The following CDH13 variants were observed in gnomAD, a reference collection of about 807,000 sequenced individuals.
The protein encoded by CDH13 is cadherin 13.
A neutral mutation model predicts 63.8 loss-of-function variants in CDH13; 24 were observed. The ratio of observed to expected loss-of-function variants is 0.38; its 90% CI spans 0.27 to 0.53. The LOEUF (loss-of-function observed/expected upper bound fraction) is 0.53. CDH13 is among the 20% of genes least tolerant of loss of function. The probability of loss-of-function intolerance (pLI) is 0.85; values close to 1 mark genes in which losing one functional copy is unlikely to be tolerated. For synonymous variants in CDH13, 503 were observed against 355.3 expected (o/e 1.42, Z -4.67); for missense variants, 1,049 against 903.1 (o/e 1.16, Z -2.07).
intron 2 of CDH13, among the ~76,000 whole-genome samples, chr16:82,922,692 T>G (rs771013351): frequency 6.6e-6 from 1 of 152,202 alleles, no homozygotes; most frequent in Non-Finnish European, 1.5e-5. Context: ...AGAATTCTAC[T>G]TATGTGCACA....
intron 7 of CDH13, among the ~76,000 whole-genome samples, chr16:83,561,984 C>G (rs950088859): frequency 1.3e-5 from 2 of 152,126 alleles, no homozygotes. Context: ...AGCGATAGTG[C>G]CGCAGAGTCA....
intron 6 of CDH13, among the ~76,000 whole-genome samples, chr16:83,359,411 C>T (rs773573981): frequency 5.3e-5 from 8 of 152,140 alleles, no homozygotes; most frequent in Non-Finnish European, 1.0e-4. Context: ...CAAATACTGG[C>T]AGCCAGCAAT....
At chr16:83,095,081 G>A (rs372512658) in intron 3 of CDH13, among the ~76,000 whole-genome samples, 1 of 152,110 alleles carries the variant, frequency 6.6e-6, no homozygotes, top group African/African-American at 2.4e-5. Flanking sequence ...TAACTTTATT[G>A]TCAACTTGAT....
At chr16:83,445,007 G>A (rs1045741909) in intron 6 of CDH13, among the ~76,000 whole-genome samples, 4 of 152,138 alleles carry the variant, frequency 2.6e-5, no homozygotes, top group African/African-American at 4.8e-5. Context: ...CCACAGGGCT[G>A]GGATTTTTTT....
intron 3 of CDH13, among the ~76,000 whole-genome samples, chr16:83,114,253 C>T (rs1157983715): frequency 6.6e-6 from 1 of 152,166 alleles, no homozygotes; most frequent in Non-Finnish European, 1.5e-5. Context: ...GTCCCCAACG[C>T]CTCTGATGTG....
At chr16:83,398,554 A>G (rs1255848632) in intron 6 of CDH13, among the ~76,000 whole-genome samples, 1 of 152,228 alleles carries the variant, frequency 6.6e-6, no homozygotes, top group Non-Finnish European at 1.5e-5. Flanking sequence ...TTTTCCAAAT[A>G]AGATTCATGC....
At chr16:83,232,698 C>G (rs1209641931) in intron 5 of CDH13, among the ~76,000 whole-genome samples, 1 of 152,136 alleles carries the variant, frequency 6.6e-6, no homozygotes, top group Non-Finnish European at 1.5e-5. Flanking sequence ...ATGCCAGCAT[C>G]ATGCTTCCTA....
intron 2 of CDH13, among the ~76,000 whole-genome samples, chr16:83,000,614 G>A (rs1385740429): frequency 1.8e-4 from 27 of 147,132 alleles, no homozygotes; most frequent in Non-Finnish European, 1.5e-5. Context: ...TTTTGAGAGG[G>A]AGTCTCGTTC....
At chr16:82,650,516 C>G (rs981410089) in intron 1 of CDH13, among the ~76,000 whole-genome samples, 1 of 152,202 alleles carries the variant, frequency 6.6e-6, no homozygotes, top group Non-Finnish European at 1.5e-5. Flanking sequence ...TTAACCCAAC[C>G]ACTTAGGCTT....
intron 1 of CDH13, among the ~76,000 whole-genome samples, chr16:82,722,700 C>A (rs1409542410): frequency 6.6e-6 from 1 of 152,176 alleles, no homozygotes; most frequent in Non-Finnish European, 1.5e-5. Context: ...ACTACGAGCA[C>A]CTGCCATTGT....
At chr16:82,868,855 G>T (rs1351709646) in intron 2 of CDH13, among the ~76,000 whole-genome samples, 3 of 152,200 alleles carry the variant, frequency 2.0e-5, no homozygotes, top group Non-Finnish European at 4.4e-5. Flanking sequence ...CAGTTCAGCT[G>T]CCTGGGTTCA....
intron 2 of CDH13, among the ~76,000 whole-genome samples, chr16:82,930,670 T>G (rs912780131): frequency 2.0e-5 from 3 of 152,204 alleles, no homozygotes; most frequent in African/African-American, 7.2e-5. Context: ...TAAGATGTTC[T>G]TAGGACTCTG....
intron 2 of CDH13, among the ~76,000 whole-genome samples, chr16:82,944,397 CAACAG>C (rs1229211941): frequency 6.6e-6 from 1 of 152,064 alleles, no homozygotes; most frequent in African/African-American, 2.4e-5. Context: ...GTTGATCTCT[CAACAG>C]AACAGAGAAG....
intron 6 of CDH13, among the ~76,000 whole-genome samples, chr16:83,443,418 A>G (rs1487983496): frequency 6.6e-6 from 1 of 152,172 alleles, no homozygotes; most frequent in Non-Finnish European, 1.5e-5. Flanking sequence ...ATGTTACGAA[A>G]AGGTTTGATT....
chr16:83,313,162 A>G (rs995453410), intron 5 of CDH13, among the ~76,000 whole-genome samples: 2 of 152,208 alleles, frequency 1.3e-5, no homozygotes, highest in East Asian at 1.9e-4. Flanking sequence ...CTCCTGAGCC[A>G]TTTATTTAAG....
intron 1 of CDH13, among the ~76,000 whole-genome samples, chr16:82,795,370 G>C (rs1019468851): frequency 5.3e-5 from 8 of 152,176 alleles, no homozygotes; most frequent in Admixed American, 5.2e-4. Context: ...CAAAGGAGAG[G>C]CACAGCAAGG....
At chr16:83,762,002 G>T (rs1372487668) in intron 11 of CDH13, among the ~76,000 whole-genome samples, 5 of 151,702 alleles carry the variant, frequency 3.3e-5, no homozygotes, top group Admixed American at 6.6e-5. Context: ...GGGAGGCAGA[G>T]GTTGCAGTGA....
chr16:83,126,402 G>A (rs907216224), intron 4 of CDH13, among the ~76,000 whole-genome samples: 1 of 152,192 alleles, frequency 6.6e-6, no homozygotes, highest in African/African-American at 2.4e-5. Flanking sequence ...TAGGCAGGAA[G>A]GGAGAGGCTG....
chr16:83,312,866 C>A (rs76411983), intron 5 of CDH13, among the ~76,000 whole-genome samples: 16 of 152,072 alleles, frequency 1.1e-4, no homozygotes, highest in Admixed American at 2.0e-4. Flanking sequence ...GAGAATTTGA[C>A]CTCAGAAAAT....
Sources: gnomAD v4.1 joint callset for allele counts (sites outside exome capture counted in the v4.1 genomes callset) on GRCh38, gnomAD v4.1.1 for gene constraint, MANE v1.5 for transcripts, NCBI Gene and HGNC (gene_info 2026-07-23, HGNC 2026-07-21) for gene names.